CRX: variants seen among roughly 807,000 people sequenced by gnomAD.
CRX encodes cone-rod homeobox protein.
In CRX, 5 loss-of-function variants were observed where a neutral mutation model predicts 13.1. The observed-to-expected ratio is 0.38, with a 90% CI of 0.20 to 0.80. The LOEUF is 0.80. Ranked by LOEUF, CRX falls within the 30% of genes least tolerant of loss-of-function variation. The pLI, the probability that CRX is intolerant of heterozygous loss-of-function variation, is 0.43. For synonymous variants in CRX, 179 were observed against 171.1 expected (o/e 1.05, Z -0.36); for missense variants, 351 against 391.8 (o/e 0.90, Z 0.88).
At position 47,839,935 on chromosome 19, in the gene CRX, G is replaced by A. The variant is rs1968174801; in HGVS notation, c.868G>A (p.Asp290Asn). Residue 290 changes from aspartate (D) to asparagine (N), a missense_variant, in exon 4 of 4, where the codon GAT (aspartate) becomes AAT (asparagine). By Grantham distance (23) the Asp-to-Asn change is conservative. Transcript: ENST00000221996. This position sits in a 1 kb window ranked among gnomAD's most constrained non-coding sequence, Gnocchi z 4.6. ...TCCCATGGACCCTCTGGACTACAAG[G>A]ATCAGAGTGCCTGGAAGTTTCAGAT... is the stretch of plus-strand genomic sequence containing the variant. ...YNPMDPLDYK[D>N]QSAWKFQIL 3 of 1,613,904 alleles carry A rather than the reference G, an allele frequency of 1.9e-6. No individual in the cohort carries two copies. Among genetic ancestry groups the A allele is most frequent in the South Asian group, 2.2e-5 (2 of 91,086 alleles).
rs1338820547 is a variant in CRX at position 47,840,164 on chromosome 19, G to T, written c.*197G>T. 7 of 619,448 alleles carry T rather than the reference G, an allele frequency of 1.1e-5. No homozygotes were observed. Among genetic ancestry groups the T allele is most frequent in the African/African-American group, 9.2e-5 (5 of 54,358 alleles). The allele number at this position is 619,448 out of a possible 1,614,324, so 38.4% of individuals were successfully genotyped here. On this transcript the variant is annotated 3_prime_UTR_variant, in exon 4 of 4. Coordinates refer to ENST00000221996, the MANE Select transcript of CRX (RefSeq NM_000554.6). Reference sequence around the variant, plus strand: ...AGAGGCTCCTCCCTCTCCTGGGACAGCTCACAGGTCCTAGTGATTCTCTCA... The same window carrying T: ...AGAGGCTCCTCCCTCTCCTGGGACATCTCACAGGTCCTAGTGATTCTCTCA...
chr19:47,832,754 G>A (rs1968068593), intron 1 of CRX, among the ~76,000 whole-genome samples: 1 of 152,158 alleles, frequency 6.6e-6, no homozygotes, highest in Admixed American at 6.6e-5. Flanking sequence ...CCAAAGTGCT[G>A]GGATTACAGG....
At chr19:47,834,220 A>G (rs780719210) in intron 1 of CRX, among the ~76,000 whole-genome samples, 189 bp from the exon 2 acceptor site, 1 of 152,210 alleles carries the variant, frequency 6.6e-6, no homozygotes, top group Non-Finnish European at 1.5e-5. Context: ...GCAGAGTCTC[A>G]AGAAAGCTCT....
At position 47,839,837 on chromosome 19, in the gene CRX, G is replaced by C; in HGVS notation, c.770G>C (p.Ser257Thr). The C allele has an allele frequency of 6.2e-7, 1 of 1,614,130 alleles. No homozygotes were observed. Among genetic ancestry groups the C allele is most frequent in the Non-Finnish European group, 8.5e-7 (1 of 1,180,020 alleles). Residue 257 changes from serine to threonine, a missense_variant, in exon 4 of 4, where the codon AGC (serine) becomes ACC (threonine). Around this residue, in one of 3 missense-constraint regions of CRX, gnomAD observed 253 missense variants for 268.3 expected, o/e 0.94. Transcript: ENST00000221996. This position sits in a 1 kb window ranked among gnomAD's most constrained non-coding sequence, Gnocchi z 4.6. ...TCCCCCACCTCCCTATCAGGCCAGA[G>C]CTATGGCGCCTACAGCCCCGTGGAT... ...AQSPTSLSGQ[S>T]YGAYSPVDSL...
At chr19:47,835,057 C>T (rs1290069819) in intron 2 of CRX, among the ~76,000 whole-genome samples, 16 of 149,942 alleles carry the variant, frequency 1.1e-4, no homozygotes, top group Admixed American at 1.0e-3. Context: ...TGCAATGGTG[C>T]AATCACAGCT....
chr19:47,839,436 G>T lies in CRX; in HGVS notation c.369G>T (p.Thr123=). Residue 123 remains threonine, a synonymous_variant, in exon 4 of 4, where the codon ACG becomes ACT. Coordinates refer to ENST00000221996, the MANE Select transcript of CRX (RefSeq NM_000554.6). This position sits in a 1 kb window ranked among gnomAD's most constrained non-coding sequence, Gnocchi z 4.6. ...GGCCTGCCAAGAGGAAGGCGGGCACGTCCCCAAGACCCTCCACAGATGTGT... is the reference window on the plus strand; with the variant it reads ...GGCCTGCCAAGAGGAAGGCGGGCACTTCCCCAAGACCCTCCACAGATGTGT... The part of the protein sequence containing the change: ...KARPAKRKAG[T]SPRPSTDVCP... The T allele has an allele frequency of 6.2e-7, 1 of 1,613,856 alleles. No individual in the cohort carries two copies. Among genetic ancestry groups the T allele is most frequent in the Non-Finnish European group, 8.5e-7 (1 of 1,179,856 alleles).
At chr19:47,830,579 A>AT (rs1968031974) in intron 1 of CRX, among the ~76,000 whole-genome samples, 1 of 151,926 alleles carries the variant, frequency 6.6e-6, no homozygotes, top group Non-Finnish European at 1.5e-5. Context: ...CGGGTGCCTG[A>AT]GGTCAGGAGT....
intron 1 of CRX, among the ~76,000 whole-genome samples, chr19:47,824,179 G>C (rs1219697335): frequency 2.6e-5 from 4 of 152,184 alleles, no homozygotes; most frequent in African/African-American, 7.2e-5. Flanking sequence ...GAAGAGCGGG[G>C]CTCGGGGGCC....
chr19:47,837,580 A>G (rs1181938610), intron 3 of CRX, among the ~76,000 whole-genome samples: 4 of 152,188 alleles, frequency 2.6e-5, no homozygotes, highest in Non-Finnish European at 4.4e-5. Context: ...GGATTAATGT[A>G]TATGTATGCA....
At position 47,841,485 on chromosome 19, in the gene CRX, T is replaced by C. The variant is rs542470197; in HGVS notation, c.*1518T>C. The C allele has an allele frequency of 6.6e-6, 1 of 151,928 alleles. No homozygotes were observed. Among genetic ancestry groups the C allele is most frequent in the African/African-American group, 2.4e-5 (1 of 41,338 alleles). The allele number at this position is 151,928 out of a possible 1,614,324, so 9.4% of individuals were successfully genotyped here. ...GAAGCAGCAGCTAGACAGACTCCCATCTGTAAATAAACAAGAGATAGGAAG... is the reference window on the plus strand; with the variant it reads ...GAAGCAGCAGCTAGACAGACTCCCACCTGTAAATAAACAAGAGATAGGAAG... On this transcript the variant is annotated 3_prime_UTR_variant, in exon 4 of 4. Transcript: ENST00000221996.
chr19:47,826,812 A>T (rs1967979675), intron 1 of CRX, among the ~76,000 whole-genome samples: 1 of 152,194 alleles, frequency 6.6e-6, no homozygotes, highest in Admixed American at 6.5e-5. Flanking sequence ...GGAATCCAAG[A>T]GTGGCTTAAC....
chr19:47,823,630 A>G lies in CRX; in HGVS notation c.-36+1620A>G, dbSNP rs115357615. 2.6e-3 allele frequency among the ~76,000 whole-genome samples: 382 copies of G among 149,636 alleles called. 2 individuals are homozygous for G. Among genetic ancestry groups the G allele is most frequent in the African/African-American group, 8.8e-3 (360 of 40,824 alleles). ...TGGGAGGGTCTTGCCAAGGGCTGGC[A>G]TGAAGCCACATGAGTCTGGTTTTTT... On this transcript the variant is annotated intron_variant, in intron 1 of 3. Transcript: ENST00000221996.
Position 47,839,366 on chromosome 19 carries a change from A to G in CRX, c.299A>G (p.Gln100Arg). Residue 100 changes from glutamine to arginine, a missense_variant, in exon 4 of 4, where the codon CAG becomes CGG. Gln to Arg is a conservative substitution (Grantham distance 43). Transcript: ENST00000221996. The surrounding 1 kb of genome is among the most constrained non-coding windows in gnomAD (Gnocchi z 4.6). ...GCTAAATGCAGGCAGCAGCGACAGC[A>G]GCAGAAACAGCAGCAGCAGCCCCCA... ...RRAKCRQQRQ[Q>R]QKQQQQPPGG... is the part of the protein sequence containing the mutation. The G allele has an allele frequency of 1.2e-6, 2 of 1,613,600 alleles. No homozygotes were observed. Among genetic ancestry groups the G allele is most frequent in the Non-Finnish European group, 1.7e-6 (2 of 1,179,792 alleles).
chr19:47,828,267 C>T (rs1968001081), intron 1 of CRX, among the ~76,000 whole-genome samples: 1 of 151,998 alleles, frequency 6.6e-6, no homozygotes, highest in South Asian at 2.1e-4. Context: ...TCCTATATTC[C>T]TAGTTCCTAG....
chr19:47,828,929 CA>C, intron 1 of CRX, among the ~76,000 whole-genome samples: 1 of 137,628 alleles, frequency 7.3e-6, no homozygotes, highest in East Asian at 1.9e-4. Flanking sequence ...CACACACACA[CA>C]CACACACACA....
At position 47,842,667 on chromosome 19, in the gene CRX, G is replaced by A. The variant is rs1199429832; in HGVS notation, c.*2700G>A. On this transcript the variant is annotated 3_prime_UTR_variant, in exon 4 of 4. Transcript: ENST00000221996. ...ATATAAACAGAGGAAGACAACATAT[G>A]TCACTGGGGAGGCTGGGGGAGCTAG... 6.6e-6 allele frequency: 1 copy of A among 152,282 alleles called. No homozygotes were observed. The highest frequency in any genetic ancestry group is 1.5e-5 in the Non-Finnish European group (1 of 68,092). The allele number at this position is 152,282 out of a possible 1,614,324, so 9.4% of individuals were successfully genotyped here. A position where few individuals can be genotyped will look rare whatever the true frequency, so the allele number is the denominator to read the frequency against.
rs10417991 is a variant in CRX at position 47,822,551 on chromosome 19, C to T, written c.-36+541C>T. ...AGACAAGGGACGGAACAGACATATA[C>T]GCAGAGAGCCCAGGTCTGTGGCTGC... is the stretch of plus-strand genomic sequence containing the variant. On this transcript the variant is annotated intron_variant, in intron 1 of 3. Transcript: ENST00000221996. Among the ~76,000 whole-genome samples the T allele has an allele frequency of 9.9e-3, 1,504 of 152,228 alleles. 31 individuals are homozygous for T. Among genetic ancestry groups the T allele is most frequent in the African/African-American group, 0.034 (1,420 of 41,538 alleles).
At chr19:47,829,382 A>T (rs1328013180) in intron 1 of CRX, among the ~76,000 whole-genome samples, 2 of 151,874 alleles carry the variant, frequency 1.3e-5, no homozygotes, top group East Asian at 3.9e-4. Context: ...CCCAGGCTGG[A>T]GTGCAATGGC....
intron 1 of CRX, among the ~76,000 whole-genome samples, chr19:47,831,564 C>A (rs1052948700): frequency 2.6e-5 from 4 of 151,998 alleles, no homozygotes; most frequent in African/African-American, 9.7e-5. Flanking sequence ...ACTGCCCACT[C>A]CCATCCATGG....
Sources: allele counts gnomAD v4.1 joint callset (sites outside exome capture counted in the v4.1 genomes callset), GRCh38; gene constraint gnomAD v4.1.1; regional missense constraint gnomAD v4.1.1; non-coding constraint Gnocchi (gnomAD v3.1); transcripts MANE v1.5; gene names NCBI Gene and HGNC (gene_info 2026-07-23, HGNC 2026-07-21).